DPYSL3: variants seen among roughly 807,000 people sequenced by gnomAD.
DPYSL3 encodes dihydropyrimidinase-related protein 3.
Under a neutral mutation model 66.1 loss-of-function variants are expected in DPYSL3, and 16 were observed. That is an observed-to-expected ratio of 0.24 (90% CI 0.16 to 0.37). The LOEUF (loss-of-function observed/expected upper bound fraction) is 0.37. Among genes scored for constraint, DPYSL3 ranks in the 10% least tolerant of loss-of-function variants. The pLI, the probability that DPYSL3 is intolerant of heterozygous loss-of-function variation, is 1.00. For missense variants in DPYSL3, 738 were observed against 916.2 expected, an observed-to-expected ratio of 0.81 and a Z score of 2.51; for synonymous variants, 338 against 345.1, an observed-to-expected ratio of 0.98 and a Z score of 0.23.
At chr5:147,435,107 G>C (rs569875741) in intron 1 of DPYSL3, among the ~76,000 whole-genome samples, 2 of 152,174 alleles carry the variant, frequency 1.3e-5, no homozygotes, top group East Asian at 1.9e-4. Context: ...TAAGAAAGGT[G>C]GGGGGAAGAG....
intron 1 of DPYSL3, among the ~76,000 whole-genome samples, chr5:147,457,721 G>A (rs574266159): frequency 6.6e-6 from 1 of 152,310 alleles, no homozygotes; most frequent in Non-Finnish European, 1.5e-5. Context: ...AGTCAGGAGA[G>A]GAAACTTTAT....
intron 1 of DPYSL3, among the ~76,000 whole-genome samples, chr5:147,498,320 T>G (rs553395709): frequency 6.6e-6 from 1 of 152,340 alleles, no homozygotes; most frequent in Non-Finnish European, 1.5e-5. Flanking sequence ...TACCACGTTT[T>G]CTTTATCCAG....
intron 1 of DPYSL3, among the ~76,000 whole-genome samples, chr5:147,429,229 C>T (rs1172474772): frequency 1.3e-5 from 2 of 152,194 alleles, no homozygotes; most frequent in Non-Finnish European, 2.9e-5. Context: ...CGCCACTGAC[C>T]TGCCTTAGGC....
At chr5:147,402,231 A>T (rs1297670351) in intron 8 of DPYSL3, among the ~76,000 whole-genome samples, 2 of 152,222 alleles carry the variant, frequency 1.3e-5, no homozygotes, top group African/African-American at 4.8e-5. Context: ...TAGGGGCCCA[A>T]AGTCCCAAAT....
rs11953018 is a variant in DPYSL3, at chr5:147,408,694, C to A, written c.1032+34G>T. The A allele has an allele frequency of 3.7e-3, 5,897 of 1,606,618 alleles. 190 individuals are homozygous for A. In the African/African-American group the frequency reaches 0.069, roughly 19 times the overall value. ...CGCCTTTTAACAATGTTTATTCATG[C>A]GTTGTGTGTGCACCTTCATCCCCTG... On this transcript the variant is annotated intron_variant, in intron 7 of 13. Transcript: ENST00000343218.
intron 1 of DPYSL3, among the ~76,000 whole-genome samples, chr5:147,500,058 AT>A (rs1399001153): frequency 6.6e-6 from 1 of 152,224 alleles, no homozygotes; most frequent in Non-Finnish European, 1.5e-5. Context: ...ATAAACCTAA[AT>A]GTAAGATGCA....
In DPYSL3 at chr5:147,393,777, A is replaced by C; in HGVS notation, c.*258T>G. The C allele has an allele frequency of 2.0e-6, 1 of 488,838 alleles. No individual in the cohort carries two copies. Among genetic ancestry groups the C allele is most frequent in the Non-Finnish European group, 3.7e-6 (1 of 268,630 alleles). The allele number at this position is 488,838 out of a possible 1,614,324, so 30.3% of individuals were successfully genotyped here. A position where few individuals can be genotyped will look rare whatever the true frequency, so the allele number is the denominator to read the frequency against. On this transcript the variant is annotated 3_prime_UTR_variant, in exon 14 of 14. Coordinates refer to ENST00000343218, the MANE Select transcript of DPYSL3 (RefSeq NM_001197294.2). ...ATGATAGAGCAGACTCTTTTACCTT[A>C]GTGGCCTGTCTGATTGCATGCATGT...
At chr5:147,499,336 G>T (rs1287312382) in intron 1 of DPYSL3, among the ~76,000 whole-genome samples, 3 of 152,126 alleles carry the variant, frequency 2.0e-5, no homozygotes, top group South Asian at 2.1e-4. Flanking sequence ...AAAGTCACTT[G>T]CTTTCCTATA....
intron 1 of DPYSL3, among the ~76,000 whole-genome samples, chr5:147,457,430 T>A (rs1752868785): frequency 6.6e-6 from 1 of 152,210 alleles, no homozygotes; most frequent in Admixed American, 6.5e-5. Context: ...TTTTTAAAAT[T>A]GCATCTGGAG....
chr5:147,483,942 T>C (rs1381653674), intron 1 of DPYSL3, among the ~76,000 whole-genome samples: 1 of 152,222 alleles, frequency 6.6e-6, no homozygotes, highest in Non-Finnish European at 1.5e-5. Flanking sequence ...AGCCTGGCAC[T>C]GAGGAGTGAA....
intron 7 of DPYSL3, among the ~76,000 whole-genome samples, chr5:147,407,272 C>T (rs1428022594): frequency 1.3e-5 from 2 of 152,150 alleles, no homozygotes; most frequent in Non-Finnish European, 2.9e-5. Context: ...TTACATCACC[C>T]TCCAACTTCA....
chr5:147,414,121 C>A (rs893241883), intron 4 of DPYSL3, among the ~76,000 whole-genome samples: 2 of 152,102 alleles, frequency 1.3e-5, no homozygotes, highest in Non-Finnish European at 2.9e-5. Context: ...ATAACAATAC[C>A]CTACTTCATA....
chr5:147,459,849 G>A (rs930524671), intron 1 of DPYSL3, among the ~76,000 whole-genome samples: 2 of 152,198 alleles, frequency 1.3e-5, no homozygotes, highest in African/African-American at 2.4e-5. Flanking sequence ...TGTGGCTCAC[G>A]CCTGTAATGC....
At chr5:147,459,928 G>A (rs1053823240) in intron 1 of DPYSL3, among the ~76,000 whole-genome samples, 1 of 152,160 alleles carries the variant, frequency 6.6e-6, no homozygotes, top group Non-Finnish European at 1.5e-5. Context: ...GGCTAACATG[G>A]TGAAACCCAG....
At chr5:147,453,010 A>G (rs886327467) in intron 1 of DPYSL3, among the ~76,000 whole-genome samples, 1 of 152,180 alleles carries the variant, frequency 6.6e-6, no homozygotes, top group South Asian at 2.1e-4. Context: ...GACTGAACGC[A>G]GGCAAGAAGG....
Position 147,393,886 on chromosome 5 carries a change from G to GTT in DPYSL3, c.*148_*149insAA. The GTT allele has an allele frequency of 1.3e-6, 1 of 780,584 alleles. No homozygotes were observed. Among genetic ancestry groups the GTT allele is most frequent in the Non-Finnish European group, 2.1e-6 (1 of 482,164 alleles). The allele number at this position is 780,584 out of a possible 1,614,324, so 48.4% of individuals were successfully genotyped here. On this transcript the variant is annotated 3_prime_UTR_variant, in exon 14 of 14. Transcript: ENST00000343218. ...TATTCGTAAAGCTAGGCAAGCGAGC[G>GTT]TAACATTGGAGAAACATAAGGCTTG...
intron 1 of DPYSL3, among the ~76,000 whole-genome samples, chr5:147,480,046 A>G (rs981771437): frequency 5.3e-5 from 8 of 152,136 alleles, no homozygotes; most frequent in Non-Finnish European, 1.0e-4. Context: ...TTTGATTTCT[A>G]CTTGGCTACT....
intron 1 of DPYSL3, among the ~76,000 whole-genome samples, chr5:147,462,906 T>A (rs1329501554): frequency 1.3e-5 from 2 of 151,908 alleles, no homozygotes; most frequent in Admixed American, 6.6e-5. Flanking sequence ...TGAAAAAGAG[T>A]TCCTTTTGGA....
chr5:147,413,136 T>C (rs1211056728), intron 5 of DPYSL3, among the ~76,000 whole-genome samples: 5 of 152,188 alleles, frequency 3.3e-5, no homozygotes, highest in Non-Finnish European at 7.3e-5. Context: ...GCAGGAGGCA[T>C]GGGAATTCAT....
Sources: gnomAD v4.1 joint callset for allele counts (sites outside exome capture counted in the v4.1 genomes callset) on GRCh38, gnomAD v4.1.1 for gene constraint, MANE v1.5 for transcripts, NCBI Gene and HGNC (gene_info 2026-07-23, HGNC 2026-07-21) for gene names.